The following DUSP5 variants were observed in gnomAD, a reference collection of about 807,000 sequenced individuals.
DUSP5 encodes the protein dual specificity protein phosphatase 5.
Under a neutral mutation model 33.6 loss-of-function variants are expected in DUSP5, and 22 were observed. The observed-to-expected ratio is 0.66, with a 90% CI of 0.47 to 0.94. The LOEUF (loss-of-function observed/expected upper bound fraction) is 0.94. Among genes scored for constraint, DUSP5 ranks in the 40% least tolerant of loss-of-function variants. The pLI is 0.00. For synonymous variants in DUSP5, 270 were observed against 231.1 expected, an observed-to-expected ratio of 1.17 and a Z score of -1.53; for missense variants, 551 against 522.1, an observed-to-expected ratio of 1.06 and a Z score of -0.54.
Position 110,510,012 on chromosome 10 carries a change from C to T in DUSP5, c.749-8C>T, listed in dbSNP as rs201740676. The T allele has an allele frequency of 1.1e-4, 175 of 1,569,228 alleles. No individual in the cohort carries two copies. Among genetic ancestry groups the T allele is most frequent in the Non-Finnish European group, 1.5e-4 (169 of 1,154,548 alleles). The stretch of plus-strand genomic sequence containing the variant: ...CAACTCACTCCCACCATCTTTTCTT[C>T]CTTCCAGACTGTGTCAGGGAAAAGG... On this transcript the variant is annotated splice_region_variant and splice_polypyrimidine_tract_variant and intron_variant, in intron 3 of 3. Transcript: ENST00000369583.
At chr10:110,500,412 T>A (rs1860029957) in intron 1 of DUSP5, among the ~76,000 whole-genome samples, 1 of 152,264 alleles carries the variant, frequency 6.6e-6, no homozygotes, top group Non-Finnish European at 1.5e-5. Context: ...TAAGTTTCAG[T>A]AGAAATTGCT....
chr10:110,505,570 C>G, intron 2 of DUSP5, among the ~76,000 whole-genome samples: 1 of 152,164 alleles, frequency 6.6e-6, no homozygotes, highest in East Asian at 1.9e-4. Flanking sequence ...TGGCCCCTGT[C>G]CCACGCACCC....
chr10:110,500,013 T>TATA (rs1348617016), intron 1 of DUSP5, among the ~76,000 whole-genome samples: 4 of 152,214 alleles, frequency 2.6e-5, no homozygotes, highest in African/African-American at 9.6e-5. Context: ...GAAGGTAACA[T>TATA]ATACACAGGT....
chr10:110,510,240 C>T lies in DUSP5; in HGVS notation c.969C>T (p.Asn323=). Residue 323 remains asparagine (N), a synonymous_variant, in exon 4 of 4, where the codon AAC becomes AAT. Transcript: ENST00000369583. ...YESEILPSTP[N]PQPPSCQGEA... is the part of the protein sequence containing the mutation. ...CTGAGATCCTGCCCTCCACGCCCAA[C>T]CCCCAGCCTCCCTCCTGCCAAGGGG... 5 of 1,614,114 alleles carry T rather than the reference C, an allele frequency of 3.1e-6. No individual in the cohort carries two copies. In the South Asian group the frequency reaches 4.4e-5, roughly 14 times the overall value.
chr10:110,507,170 C>G lies in DUSP5; in HGVS notation c.748+16C>G, dbSNP rs747974379. ...GACTTCATTGGTAGGTTTAGCCATT[C>G]CCCTTCAGTTATTTTGGGAGCCCCT... On this transcript the variant is annotated intron_variant, in intron 3 of 3. Coordinates refer to ENST00000369583, the MANE Select transcript of DUSP5 (RefSeq NM_004419.4). 6.2e-7 allele frequency: 1 copy of G among 1,606,940 alleles called. No individual in the cohort carries two copies. The highest frequency in any genetic ancestry group is 8.5e-7 in the Non-Finnish European group (1 of 1,177,010).
In DUSP5 at chr10:110,510,154, C is replaced by A. The variant is rs1860169883; in HGVS notation, c.883C>A (p.Gln295Lys). ...RLKEAFDYIK[Q>K]RRSMVSPNFG... ...GAAGGAGGCCTTCGATTACATCAAG[C>A]AGAGGAGGAGCATGGTCTCGCCCAA... The change falls in exon 4 of 4, where the codon CAG becomes AAG. Residue 295 changes from glutamine (Q) to lysine (K), a missense_variant. Gln to Lys is a moderately conservative substitution (Grantham distance 53). Transcript: ENST00000369583. 6.2e-7 allele frequency: 1 copy of A among 1,614,120 alleles called. No individual in the cohort carries two copies. Among genetic ancestry groups the A allele is most frequent in the African/African-American group, 1.3e-5 (1 of 74,938 alleles).
rs774627082 is a variant in DUSP5 at position 110,498,514 on chromosome 10, G to A, written c.379+14G>A. On this transcript the variant is annotated intron_variant, in intron 1 of 3. Coordinates refer to ENST00000369583, the MANE Select transcript of DUSP5 (RefSeq NM_004419.4). Reference sequence around the variant, plus strand: ...ACTTCCTCAAAGGTGAGCGCTCGGGGTCCCTGCCACGCTCGCCCCTCCGGC... The same window carrying A: ...ACTTCCTCAAAGGTGAGCGCTCGGGATCCCTGCCACGCTCGCCCCTCCGGC... 1.9e-5 allele frequency: 28 copies of A among 1,486,410 alleles called. No homozygotes were observed. Among genetic ancestry groups the A allele is most frequent in the Non-Finnish European group, 2.2e-5 (25 of 1,125,472 alleles). The allele number at this position is 1,486,410 out of a possible 1,614,324, so 92.1% of individuals were successfully genotyped here.
At chr10:110,502,413 A>G (rs1265329223) in intron 1 of DUSP5, among the ~76,000 whole-genome samples, 1 of 152,168 alleles carries the variant, frequency 6.6e-6, no homozygotes, top group African/African-American at 2.4e-5. Context: ...TGTTTTCTGG[A>G]GGGATTTGGT....
intron 3 of DUSP5, among the ~76,000 whole-genome samples, chr10:110,507,791 C>T (rs1254858306): frequency 6.6e-6 from 1 of 152,254 alleles, no homozygotes; most frequent in African/African-American, 2.4e-5. Context: ...TCTGGTCCCT[C>T]TGCCAGGAAA....
chr10:110,503,153 A>G (rs1363057517), intron 2 of DUSP5, among the ~76,000 whole-genome samples: 2 of 152,224 alleles, frequency 1.3e-5, no homozygotes, highest in African/African-American at 4.8e-5. Context: ...AGTGAAAGAT[A>G]CATTATTGTC....
At chr10:110,499,636 C>T (rs1041082797) in intron 1 of DUSP5, among the ~76,000 whole-genome samples, 2 of 152,236 alleles carry the variant, frequency 1.3e-5, no homozygotes, top group South Asian at 2.1e-4. Context: ...CCCCTCTCTG[C>T]TAGCACCTCC....
At position 110,506,954 on chromosome 10, in the gene DUSP5, T is replaced by C; in HGVS notation, c.548T>C (p.Leu183Pro). 1 of 1,614,122 alleles carries C rather than the reference T, an allele frequency of 6.2e-7. No individual in the cohort carries two copies. The highest frequency in any genetic ancestry group is 8.5e-7 in the Non-Finnish European group (1 of 1,179,964). ...AYDQGGPVEI[L>P]PFLYLGSAYH... ...ATCCAGGGTGGCCCAGTTGAAATCCTTCCCTTCCTCTACCTTGGAAGTGCC... is the reference window on the plus strand; with the variant it reads ...ATCCAGGGTGGCCCAGTTGAAATCCCTCCCTTCCTCTACCTTGGAAGTGCC... The change falls in exon 3 of 4, where the codon CTT becomes CCT. Residue 183 changes from leucine to proline, a missense_variant. Leu to Pro is a moderately conservative substitution (Grantham distance 98). Transcript: ENST00000369583.
At chr10:110,503,155 A>G (rs904376816) in intron 2 of DUSP5, among the ~76,000 whole-genome samples, 1 of 152,212 alleles carries the variant, frequency 6.6e-6, no homozygotes, top group Non-Finnish European at 1.5e-5. Flanking sequence ...TGAAAGATAC[A>G]TTATTGTCAT....
Position 110,510,330 on chromosome 10 carries a change from C to T in DUSP5, c.1059C>T (p.Tyr353=), listed in dbSNP as rs748846234. 3.7e-6 allele frequency: 6 copies of T among 1,614,194 alleles called. No individual in the cohort carries two copies. Among genetic ancestry groups the T allele is most frequent in the Non-Finnish European group, 4.2e-6 (5 of 1,180,040 alleles). ...TGAGCCCTGACATGCAGGGTGCCTA[C>T]TGCACATTCCCTGCCTCGGTGCTGG... ...QTLSPDMQGA[Y]CTFPASVLAP... The change falls in exon 4 of 4, where the codon TAC becomes TAT. Residue 353 remains tyrosine (Y), a synonymous_variant. Transcript: ENST00000369583.
At position 110,510,322 on chromosome 10, in the gene DUSP5, G is replaced by C. The variant is rs1279185179; in HGVS notation, c.1051G>C (p.Gly351Arg). 10 of 1,614,186 alleles carry C rather than the reference G, an allele frequency of 6.2e-6. No homozygotes were observed. In the South Asian group the frequency reaches 1.1e-4, roughly 18 times the overall value. Residue 351 changes from glycine to arginine, a missense_variant, in exon 4 of 4, where the codon GGT becomes CGT. Coordinates refer to ENST00000369583, the MANE Select transcript of DUSP5 (RefSeq NM_004419.4). The part of the protein sequence containing the change: ...HLQTLSPDMQ[G>R]AYCTFPASVL... ...GCAGACACTGAGCCCTGACATGCAG[G>C]GTGCCTACTGCACATTCCCTGCCTC...
intron 1 of DUSP5, among the ~76,000 whole-genome samples, chr10:110,500,044 G>A (rs1860023707): frequency 6.6e-6 from 1 of 152,220 alleles, no homozygotes; most frequent in Non-Finnish European, 1.5e-5. Context: ...ACAGCATGAA[G>A]GCCCTGTGAT....
intron 3 of DUSP5, 34 bp downstream of exon 3, chr10:110,507,188 G>A (rs949188094): frequency 6.3e-7 from 1 of 1,597,212 alleles, no homozygotes; most frequent in African/African-American, 1.3e-5. Context: ...GTTATTTTGG[G>A]AGCCCCTTTG....
intron 2 of DUSP5, among the ~76,000 whole-genome samples, chr10:110,504,255 T>G (rs1860092397): frequency 6.6e-6 from 1 of 152,240 alleles, no homozygotes; most frequent in South Asian, 2.1e-4. Context: ...CTGATGTGTC[T>G]TCAAGATTCA....
chr10:110,510,372 C>T lies in DUSP5; in HGVS notation c.1101C>T (p.His367=). The T allele has an allele frequency of 6.2e-7, 1 of 1,612,242 alleles. No individual in the cohort carries two copies. Among genetic ancestry groups the T allele is most frequent in the South Asian group, 1.1e-5 (1 of 90,780 alleles). Reference sequence around the variant, plus strand: ...CGGTGCTGGCACCGGTGCCTACCCACTCAACAGTCTCAGAGCTCAGCAGAA... The same window carrying T: ...CGGTGCTGGCACCGGTGCCTACCCATTCAACAGTCTCAGAGCTCAGCAGAA... ...PASVLAPVPT[H]STVSELSRSP... The change falls in exon 4 of 4, where the codon CAC becomes CAT. Residue 367 remains histidine (H), a synonymous_variant. Transcript: ENST00000369583.
Sources: allele counts gnomAD v4.1 joint callset (sites outside exome capture counted in the v4.1 genomes callset), GRCh38; gene constraint gnomAD v4.1.1; transcripts MANE v1.5; gene names NCBI Gene and HGNC (gene_info 2026-07-23, HGNC 2026-07-21).